The following EML4 variants were observed in gnomAD, a reference collection of about 807,000 sequenced individuals.
EML4 encodes EMAP like 4.
Under a neutral mutation model 129.0 loss-of-function variants are expected in EML4, and 72 were observed. The ratio of observed to expected loss-of-function variants is 0.56; its 90% CI spans 0.46 to 0.68. The LOEUF (loss-of-function observed/expected upper bound fraction) is 0.68, where lower values mean the gene tolerates loss of function less well. EML4 is among the 30% of genes least tolerant of loss of function. The probability of loss-of-function intolerance (pLI) is 0.00; values close to 1 mark genes in which losing one functional copy is unlikely to be tolerated. For synonymous variants in EML4, 532 were observed against 405.0 expected (o/e 1.31, Z -3.77); for missense variants, 1,363 against 1,190.6 (o/e 1.14, Z -2.13).
intron 21 of EML4, among the ~76,000 whole-genome samples, chr2:42,326,678 T>A (rs893483551): frequency 1.3e-5 from 2 of 152,174 alleles, no homozygotes; most frequent in Admixed American, 6.5e-5. Flanking sequence ...GTTCAGGAGT[T>A]CGAGACCAGC....
At chr2:42,197,732 C>T (rs1196498600) in intron 1 of EML4, among the ~76,000 whole-genome samples, 1 of 152,022 alleles carries the variant, frequency 6.6e-6, no homozygotes, top group Non-Finnish European at 1.5e-5. Context: ...AACCAGTAAA[C>T]GTGTAGCAAA....
intron 1 of EML4, among the ~76,000 whole-genome samples, chr2:42,232,926 C>A (rs190077875): frequency 1.3e-5 from 2 of 152,192 alleles, no homozygotes; most frequent in East Asian, 3.9e-4. Context: ...GGGGTTTCAC[C>A]GTGTTAGCCA....
chr2:42,216,946 C>A (rs559720293), intron 1 of EML4, among the ~76,000 whole-genome samples: 1 of 152,126 alleles, frequency 6.6e-6, no homozygotes, highest in Non-Finnish European at 1.5e-5. Context: ...GAATAAAGAT[C>A]TACTTGGTTC....
chr2:42,274,751 A>G (rs537579049), intron 6 of EML4, among the ~76,000 whole-genome samples: 2 of 152,302 alleles, frequency 1.3e-5, no homozygotes, highest in South Asian at 4.1e-4. Context: ...CCACTTTGCA[A>G]TTTGGGACAC....
intron 1 of EML4, among the ~76,000 whole-genome samples, chr2:42,200,021 A>G (rs1450184612): frequency 6.6e-6 from 1 of 152,072 alleles, no homozygotes; most frequent in African/African-American, 2.4e-5. Flanking sequence ...TTTAGAATAG[A>G]AATACCGGCC....
chr2:42,303,710 G>A (rs1668432638), intron 16 of EML4, among the ~76,000 whole-genome samples: 1 of 152,200 alleles, frequency 6.6e-6, no homozygotes, highest in South Asian at 2.1e-4. Flanking sequence ...CGGATCACGA[G>A]GTCAGGAGAT....
intron 1 of EML4, among the ~76,000 whole-genome samples, chr2:42,208,363 A>C (rs1017648928): frequency 6.6e-6 from 1 of 151,406 alleles, no homozygotes; most frequent in Non-Finnish European, 1.5e-5. Context: ...ATATTAAAAA[A>C]TTTTTATTTT....
intron 5 of EML4, 114 bp downstream of exon 5, chr2:42,263,420 T>G (rs1665857598): frequency 1.0e-6 from 1 of 980,524 alleles, no homozygotes; most frequent in South Asian, 1.7e-5. Context: ...TTTTTTTTTT[T>G]TTTGTGACAG....
intron 1 of EML4, among the ~76,000 whole-genome samples, chr2:42,244,940 G>A (rs1019466502): frequency 2.0e-5 from 3 of 151,896 alleles, no homozygotes; most frequent in Non-Finnish European, 2.9e-5. Flanking sequence ...AAAAATAGGG[G>A]AAATTTGACC....
At chr2:42,171,058 C>T (rs1229877898) in intron 1 of EML4, among the ~76,000 whole-genome samples, 1 of 152,212 alleles carries the variant, frequency 6.6e-6, no homozygotes, top group Non-Finnish European at 1.5e-5. Context: ...TTACTCTTTC[C>T]TCCTCAAAGG....
intron 1 of EML4, among the ~76,000 whole-genome samples, chr2:42,231,793 C>T (rs1180999705): frequency 6.6e-6 from 1 of 152,038 alleles, no homozygotes; most frequent in South Asian, 2.1e-4. Flanking sequence ...ACTAAATATA[C>T]AGAAAATTAG....
At chr2:42,265,189 C>T (rs1318303872) in intron 6 of EML4, among the ~76,000 whole-genome samples, 1 of 152,060 alleles carries the variant, frequency 6.6e-6, no homozygotes, top group African/African-American at 2.4e-5. Flanking sequence ...CTCCTGGGGT[C>T]AAGTGATTCT....
At chr2:42,328,794 T>TAAAC (rs1040144196) in intron 21 of EML4, 92 bp from the exon 22 acceptor site, 3 of 1,068,828 alleles carry the variant, frequency 2.8e-6, no homozygotes, top group Non-Finnish European at 2.6e-6. Flanking sequence ...AGATAAAAGC[T>TAAAC]AAACAGATTC....
At chr2:42,172,038 A>G (rs1443838581) in intron 1 of EML4, among the ~76,000 whole-genome samples, 1 of 150,936 alleles carries the variant, frequency 6.6e-6, no homozygotes, top group Non-Finnish European at 1.5e-5. Context: ...AAGCACTTCT[A>G]CTCTAGTAGG....
intron 1 of EML4, among the ~76,000 whole-genome samples, chr2:42,201,567 T>C (rs1672235979): frequency 6.6e-6 from 1 of 152,154 alleles, no homozygotes. Context: ...CATTGGAGCA[T>C]TTTTCACAAT....
intron 19 of EML4, among the ~76,000 whole-genome samples, chr2:42,320,478 C>A (rs1228680382): frequency 1.3e-5 from 2 of 152,068 alleles, no homozygotes; most frequent in African/African-American, 2.4e-5. Flanking sequence ...AAGTGGACAT[C>A]CTCATTAAGG....
intron 11 of EML4, among the ~76,000 whole-genome samples, chr2:42,293,074 G>A (rs910078779): frequency 4.4e-4 from 67 of 151,788 alleles, no homozygotes; most frequent in African/African-American, 1.4e-3. Context: ...GGAAAATTAC[G>A]TAACAAGCAA....
At chr2:42,285,586 C>CT (rs70963307) in intron 9 of EML4, among the ~76,000 whole-genome samples, 49,421 of 145,776 alleles carry the variant, frequency 0.34, 8,605 homozygotes, top group East Asian at 0.56. Flanking sequence ...CTGACTCCAC[C>CT]TTTTTTTTTT....
chr2:42,279,783 T>C (rs1666904007), intron 6 of EML4, among the ~76,000 whole-genome samples: 1 of 149,096 alleles, frequency 6.7e-6, no homozygotes, highest in Non-Finnish European at 1.5e-5. Context: ...TGTCTTTTTT[T>C]ATTATTATTA....
Sources: gnomAD v4.1 joint callset for allele counts (sites outside exome capture counted in the v4.1 genomes callset) on GRCh38, gnomAD v4.1.1 for gene constraint, MANE v1.5 for transcripts, NCBI Gene and HGNC (gene_info 2026-07-23, HGNC 2026-07-21) for gene names.